Variants in NT5C1B observed in about 807,000 individuals in gnomAD.
The protein encoded by NT5C1B is 5'-nucleotidase, cytosolic IB, also known as cytosolic 5'-nucleotidase 1B.
A neutral mutation model predicts 57.8 loss-of-function variants in NT5C1B; 44 were observed. The ratio of observed to expected loss-of-function variants is 0.76; its 90% CI spans 0.60 to 0.98. NT5C1B has a LOEUF of 0.98. Ranked by LOEUF, NT5C1B falls within the 50% of genes least tolerant of loss-of-function variation. The pLI, the probability that NT5C1B is intolerant of heterozygous loss-of-function variation, is 0.00. For synonymous variants in NT5C1B, 284 were observed against 282.6 expected (o/e 1.00, Z -0.05); for missense variants, 742 against 719.5 (o/e 1.03, Z -0.36).
chr2:18,565,336 C>T (rs535374322), intron 8 of NT5C1B, among the ~76,000 whole-genome samples: 6 of 152,020 alleles, frequency 3.9e-5, no homozygotes, highest in South Asian at 2.1e-4. Flanking sequence ...GCATGTTGGC[C>T]GAAATTTGTC....
chr2:18,575,891 T>G (rs1442522952), intron 8 of NT5C1B, among the ~76,000 whole-genome samples: 1 of 152,174 alleles, frequency 6.6e-6, no homozygotes, highest in East Asian at 1.9e-4. Context: ...TAAGCAGTAT[T>G]TCCTGTTACT....
chr2:18,576,628 C>T (rs1237716559), intron 7 of NT5C1B, 145 bp downstream of exon 7: 6 of 1,377,692 alleles, frequency 4.4e-6, no homozygotes, highest in Non-Finnish European at 4.9e-6. Context: ...CTCTAAAGGA[C>T]AGACTTAAGT....
chr2:18,586,197 A>T, intron 3 of NT5C1B, 57 bp downstream of exon 3: 1 of 1,589,616 alleles, frequency 6.3e-7, no homozygotes, highest in South Asian at 1.1e-5. Context: ...GCATCAATAA[A>T]TGTTAACCAT....
chr2:18,576,439 A>C (rs966040264), intron 7 of NT5C1B, 71 bp from the exon 8 acceptor site: 25 of 1,514,932 alleles, frequency 1.7e-5, no homozygotes, highest in South Asian at 6.7e-5. Flanking sequence ...ATTAAAAAAA[A>C]CAAATTCTCC....
rs750905350 is a variant in NT5C1B at position 18,586,226 on chromosome 2, T to C, written c.258+28A>G. 5 of 1,610,482 alleles carry C rather than the reference T, an allele frequency of 3.1e-6. No homozygotes were observed. The Admixed American group carries it at 8.4e-5, about 27-fold the overall frequency. ...TAACCATTGTTATTATTCTATCATC[T>C]ACTACTCCCTTTCATCTTTACCTCT... On this transcript the variant is annotated intron_variant, in intron 3 of 8. Transcript: ENST00000304081.
intron 5 of NT5C1B, 122 bp from the exon 6 acceptor site, chr2:18,583,119 C>G (rs1666328786): frequency 7.5e-7 from 1 of 1,336,192 alleles, no homozygotes; most frequent in South Asian, 1.7e-5. Flanking sequence ...CTGAGAGATT[C>G]TGGCTCCTTT....
rs1374233108 is a variant in NT5C1B at position 18,586,241 on chromosome 2, T to G, written c.258+13A>C. 2 of 1,612,566 alleles carry G rather than the reference T, an allele frequency of 1.2e-6. No homozygotes were observed. The highest frequency in any genetic ancestry group is 1.7e-6 in the Non-Finnish European group (2 of 1,179,342). On this transcript the variant is annotated intron_variant, in intron 3 of 8. Transcript: ENST00000304081. Reference sequence around the variant, plus strand: ...TTCTATCATCTACTACTCCCTTTCATCTTTACCTCTACCTTAGCACTGGTG... The same window carrying G: ...TTCTATCATCTACTACTCCCTTTCAGCTTTACCTCTACCTTAGCACTGGTG...
At chr2:18,589,548 A>T (rs746685544) in exon 1 of NT5C1B, 1 of 1,604,738 alleles carries the variant, frequency 6.2e-7, no homozygotes. Context: ...TCCCTTGCTC[A>T]GTCTAGCTTT....
chr2:18,573,736 C>T (rs73226365), intron 8 of NT5C1B, among the ~76,000 whole-genome samples: 4,733 of 152,160 alleles, frequency 0.031, 250 homozygotes, highest in African/African-American at 0.11. Flanking sequence ...GGAGTTGTAC[C>T]TCATACATTC....
In NT5C1B at chr2:18,584,962, G is replaced by T. The variant is rs768533500; in HGVS notation, c.275C>A (p.Thr92Lys). 4 of 1,543,778 alleles carry T rather than the reference G, an allele frequency of 2.6e-6. No homozygotes were observed. Among genetic ancestry groups the T allele is most frequent in the African/African-American group, 2.7e-5 (2 of 73,418 alleles). The change falls in exon 4 of 9, where the codon ACG becomes AAG. Residue 92 changes from threonine (T) to lysine (K), a missense_variant. Coordinates refer to ENST00000304081, the Ensembl canonical transcript of NT5C1B. The surrounding 1 kb of genome is among the most constrained non-coding windows in gnomAD (Gnocchi z 5.8). ...GGAGGTGGATGGAGTCCGGGAGCTC[G>T]TGGAGCTGCTGGGGAGCTGCAGCAA... is the stretch of plus-strand genomic sequence containing the variant.
Position 18,584,409 on chromosome 2 carries a change from G to A in NT5C1B, c.723+105C>T, listed in dbSNP as rs1666479351. Reference sequence around the variant, plus strand: ...CTGAGGCTGGGACTCCCCGAAGTTTGGGGAGGAGAAGCGGGAGGACCTCCC... The same window carrying A: ...CTGAGGCTGGGACTCCCCGAAGTTTAGGGAGGAGAAGCGGGAGGACCTCCC... On this transcript the variant is annotated intron_variant, in intron 4 of 8. Transcript: ENST00000304081. The surrounding 1 kb of genome is among the most constrained non-coding windows in gnomAD (Gnocchi z 5.8). 1 of 1,525,596 alleles carries A rather than the reference G, an allele frequency of 6.6e-7. No individual in the cohort carries two copies. The highest frequency in any genetic ancestry group is 1.4e-5 in the African/African-American group (1 of 72,746). The allele number at this position is 1,525,596 out of a possible 1,614,324, so 94.5% of individuals were successfully genotyped here. A position where few individuals can be genotyped will look rare whatever the true frequency, so the allele number is the denominator to read the frequency against.
intron 6 of NT5C1B, among the ~76,000 whole-genome samples, chr2:18,582,054 T>A (rs903705705): frequency 2.6e-5 from 4 of 152,222 alleles, no homozygotes; most frequent in South Asian, 4.1e-4. Flanking sequence ...TAGCTGTTGT[T>A]TACTAGATGA....
intron 6 of NT5C1B, among the ~76,000 whole-genome samples, chr2:18,577,470 T>G (rs1665801397): frequency 7.1e-6 from 1 of 140,930 alleles, no homozygotes; most frequent in African/African-American, 2.7e-5. Context: ...ACCATACAAT[T>G]ACATGGAAAG....
chr2:18,574,386 C>A (rs6531109), intron 8 of NT5C1B, among the ~76,000 whole-genome samples: 49,565 of 151,916 alleles, frequency 0.33, 10,498 homozygotes, highest in African/African-American at 0.61. Flanking sequence ...GCAGAAATGT[C>A]AAATGGTATA....
At chr2:18,569,121 C>T (rs1217750242) in intron 8 of NT5C1B, among the ~76,000 whole-genome samples, 2 of 152,052 alleles carry the variant, frequency 1.3e-5, no homozygotes, top group Non-Finnish European at 2.9e-5. Flanking sequence ...TTTGGCAGTT[C>T]GTTGTTGCAA....
exon 9 of NT5C1B, chr2:18,563,021 A>AT (rs1664308798): frequency 6.6e-6 from 1 of 152,084 alleles, no homozygotes; most frequent in Non-Finnish European, 1.5e-5. Flanking sequence ...ATGAAGGGCC[A>AT]GGATACTACA....
At chr2:18,585,532 G>A (rs2148176150) in intron 3 of NT5C1B, among the ~76,000 whole-genome samples, 1 of 152,258 alleles carries the variant, frequency 6.6e-6, no homozygotes, top group South Asian at 2.1e-4. Context: ...TCTGGAGACT[G>A]GAGCATCTCC....
chr2:18,589,446 T>C, exon 1 of NT5C1B: 1 of 1,614,128 alleles, frequency 6.2e-7, no homozygotes, highest in Non-Finnish European at 8.5e-7. Flanking sequence ...CACCTTTTTC[T>C]GTTTGAGAGA....
rs1281720272 is a variant in NT5C1B, at chr2:18,563,795, CCTAA to C, written c.1650_1653del (p.Ser550ArgfsTer7). 6.5e-7 allele frequency: 1 copy of C among 1,538,800 alleles called. No individual in the cohort carries two copies. Among genetic ancestry groups the C allele is most frequent in the African/African-American group, 1.4e-5 (1 of 72,708 alleles). On this transcript the variant is annotated frameshift_variant and stop_lost, in exon 9 of 9. Transcript: ENST00000304081. LOFTEE classifies it high-confidence loss of function. ...CACCACTTTATTTCTCCTCCCTGCC[CCTAA>C]CTACTGAATTTTTTATTAAAGCCAT...
Sources: gnomAD v4.1 joint callset for allele counts (sites outside exome capture counted in the v4.1 genomes callset) on GRCh38, gnomAD v4.1.1 for gene constraint, Gnocchi (gnomAD v3.1) non-coding constraint, MANE v1.5 for transcripts, NCBI Gene and HGNC (gene_info 2026-07-23, HGNC 2026-07-21) for gene names.